Variants in IGF2BP1 observed in about 807,000 individuals in gnomAD.
IGF2BP1 encodes insulin like growth factor 2 mRNA binding protein 1.
A neutral mutation model predicts 74.9 loss-of-function variants in IGF2BP1; 11 were observed. The ratio of observed to expected loss-of-function variants is 0.15; its 90% CI spans 0.09 to 0.24. IGF2BP1 has a LOEUF of 0.24. Ranked by LOEUF, IGF2BP1 falls within the 10% of genes least tolerant of loss-of-function variation. IGF2BP1 has a pLI of 1.00. For synonymous variants in IGF2BP1, 287 were observed against 281.8 expected, an observed-to-expected ratio of 1.02 and a Z score of -0.18; for missense variants, 440 against 757.4, an observed-to-expected ratio of 0.58 and a Z score of 4.92.
In IGF2BP1 at chr17:49,050,815, C is replaced by T. The variant is rs1413585716; in HGVS notation, c.*1371C>T. On this transcript the variant is annotated 3_prime_UTR_variant, in exon 15 of 15. Transcript: ENST00000290341. The stretch of plus-strand genomic sequence containing the variant: ...ATTAAGATCCCATGGAGTGTTTAGC[C>T]CTTGTGGGAGACAGAAGCCATCAGT... 2.0e-5 allele frequency: 3 copies of T among 152,518 alleles called. No individual in the cohort carries two copies. Among genetic ancestry groups the T allele is most frequent in the Admixed American group, 6.5e-5 (1 of 15,278 alleles). 9.4% of individuals were successfully genotyped at this position (152,518 alleles called of 1,614,324 possible).
At chr17:49,003,705 A>G (rs1411009362) in intron 2 of IGF2BP1, among the ~76,000 whole-genome samples, 1 of 149,172 alleles carries the variant, frequency 6.7e-6, no homozygotes, top group African/African-American at 2.5e-5. Flanking sequence ...GGGAGAGAAA[A>G]GGGGAGGAAA....
chr17:49,020,001 C>T (rs1236643243), intron 2 of IGF2BP1, among the ~76,000 whole-genome samples: 2 of 103,000 alleles, frequency 1.9e-5, no homozygotes, highest in African/African-American at 8.7e-5. Context: ...TATATACACA[C>T]ACACACACAT....
intron 2 of IGF2BP1, among the ~76,000 whole-genome samples, chr17:49,021,539 G>C (rs2041792353): frequency 6.6e-6 from 1 of 152,150 alleles, no homozygotes; most frequent in African/African-American, 2.4e-5. Context: ...CCCTGGCCCA[G>C]GACCTGATAA....
intron 5 of IGF2BP1, among the ~76,000 whole-genome samples, chr17:49,037,739 A>G (rs1300341235): frequency 6.6e-6 from 1 of 152,166 alleles, no homozygotes; most frequent in Non-Finnish European, 1.5e-5. Flanking sequence ...TGTAGTAGGG[A>G]TTCCTCAATC....
intron 7 of IGF2BP1, 46 bp downstream of exon 7, chr17:49,040,137 T>C (rs146582824): frequency 6.2e-7 from 1 of 1,605,204 alleles, no homozygotes; most frequent in African/African-American, 1.3e-5. Context: ...GCTAGTCCAG[T>C]TGAGCCTCCC....
Position 49,045,009 on chromosome 17 carries a change from C to A in IGF2BP1, c.1339C>A (p.Pro447Thr), listed in dbSNP as rs775868755. 3.7e-6 allele frequency: 6 copies of A among 1,614,164 alleles called. No individual in the cohort carries two copies. The South Asian group carries it at 6.6e-5, about 18-fold the overall frequency. ...TTTTTAGATTGCACCACCCGAAACA[C>A]CTGACTCCAAAGTTCGTATGGTTAT... ...ASIKIAPPETPDSKVRMVIIT... is the reference protein window; with the variant it reads ...ASIKIAPPETTDSKVRMVIIT... The change falls in exon 12 of 15, where the codon CCT (proline) becomes ACT (threonine). Residue 447 changes from proline to threonine, a missense_variant. Pro to Thr is a conservative substitution (Grantham distance 38, BLOSUM62 -1). Transcript: ENST00000290341.
At chr17:49,041,172 C>T (rs2042048020) in intron 7 of IGF2BP1, among the ~76,000 whole-genome samples, 1 of 152,104 alleles carries the variant, frequency 6.6e-6, no homozygotes, top group Admixed American at 6.5e-5. Context: ...GAGTGAGACC[C>T]TGTCTCAAAA....
At chr17:49,011,146 A>AC (rs1046819172) in intron 2 of IGF2BP1, among the ~76,000 whole-genome samples, 9 of 102,332 alleles carry the variant, frequency 8.8e-5, no homozygotes, top group African/African-American at 1.3e-4. Flanking sequence ...TCAAAAAAAA[A>AC]AAAAAAAAAA....
chr17:49,045,346 A>C lies in IGF2BP1; in HGVS notation c.1395+281A>C, dbSNP rs1294844142. Reference sequence around the variant, plus strand: ...TTGCACTCTGCTGTCATTTCTAAGGAAGGCCTTTAATGCCAAATTCTCATC... The same window carrying C: ...TTGCACTCTGCTGTCATTTCTAAGGCAGGCCTTTAATGCCAAATTCTCATC... On this transcript the variant is annotated intron_variant, in intron 12 of 14. Coordinates refer to ENST00000290341, the MANE Select transcript of IGF2BP1 (RefSeq NM_006546.4). Among the ~76,000 whole-genome samples the C allele has an allele frequency of 2.6e-5, 4 of 152,228 alleles. No homozygotes were observed. The East Asian group carries it at 5.8e-4, about 22-fold the overall frequency.
chr17:49,039,836 T>G, intron 6 of IGF2BP1, 121 bp from the exon 7 acceptor site: 1 of 1,044,214 alleles, frequency 9.6e-7, no homozygotes, highest in East Asian at 2.4e-5. Context: ...TGTACTTGAT[T>G]GTCCTTGTTT....
chr17:49,005,856 G>A (rs1211496458), intron 2 of IGF2BP1, among the ~76,000 whole-genome samples: 2 of 152,112 alleles, frequency 1.3e-5, no homozygotes, highest in Non-Finnish European at 2.9e-5. Context: ...GAGGCCAGGA[G>A]TTCAAGACCA....
chr17:49,022,205 C>T (rs1205029163), intron 2 of IGF2BP1, among the ~76,000 whole-genome samples: 1 of 152,182 alleles, frequency 6.6e-6, no homozygotes, highest in Non-Finnish European at 1.5e-5. Flanking sequence ...ACACACTGCC[C>T]CAGCTCAGCC....
At chr17:49,043,572 A>G (rs1432629377) in intron 10 of IGF2BP1, 22 bp downstream of exon 10, 14 of 1,612,300 alleles carry the variant, frequency 8.7e-6, no homozygotes, top group Non-Finnish European at 1.2e-5. Flanking sequence ...ATCTTATTAC[A>G]CGGGATCCCT....
rs2144168692 is a variant in IGF2BP1 at position 49,050,793 on chromosome 17, A to T, written c.*1349A>T. 1 of 152,784 alleles carries T rather than the reference A, an allele frequency of 6.5e-6. No homozygotes were observed. The highest frequency in any genetic ancestry group is 1.9e-4 in the East Asian group (1 of 5,196). 9.5% of individuals were successfully genotyped at this position (152,784 alleles called of 1,614,324 possible). On this transcript the variant is annotated 3_prime_UTR_variant, in exon 15 of 15. Coordinates refer to ENST00000290341, the MANE Select transcript of IGF2BP1 (RefSeq NM_006546.4). ...ATTTATTAATTTACCAGGCTTAATT[A>T]AGATCCCATGGAGTGTTTAGCCCTT...
intron 7 of IGF2BP1, 134 bp downstream of exon 7, chr17:49,040,225 A>C (rs1489255067): frequency 9.6e-7 from 1 of 1,042,712 alleles, no homozygotes; most frequent in Non-Finnish European, 1.4e-6. Context: ...AAACTGAGAA[A>C]TAAAATCTTT....
At chr17:49,047,517 G>GT (rs147164353) in intron 14 of IGF2BP1, among the ~76,000 whole-genome samples, 53 of 147,220 alleles carry the variant, frequency 3.6e-4, no homozygotes, top group Admixed American at 1.2e-3. Context: ...TTAATTCAGC[G>GT]TTTTTTTTTT....
chr17:49,047,804 C>T (rs1268774355), intron 14 of IGF2BP1, among the ~76,000 whole-genome samples: 1 of 151,858 alleles, frequency 6.6e-6, no homozygotes, highest in Non-Finnish European at 1.5e-5. Context: ...GCCTCTACCT[C>T]CCAGGCTCAA....
Position 49,044,024 on chromosome 17 carries a change from A to G in IGF2BP1, c.1258A>G (p.Ile420Val). The G allele has an allele frequency of 1.2e-6, 2 of 1,614,134 alleles. No homozygotes were observed. The highest frequency in any genetic ancestry group is 2.2e-5 in the East Asian group (1 of 44,864). ...TATCCCCGCCCAGGCAGTGGGCGCCATCATCGGCAAGAAGGGGCAGCACAT... is the reference window on the plus strand; with the variant it reads ...TATCCCCGCCCAGGCAGTGGGCGCCGTCATCGGCAAGAAGGGGCAGCACAT... The part of the protein sequence containing the change: ...VFIPAQAVGA[I>V]IGKKGQHIKQ... Residue 420 changes from isoleucine to valine, a missense_variant, in exon 11 of 15, where the codon ATC (isoleucine) becomes GTC (valine). This residue lies in a region of IGF2BP1 where 117 missense variants were observed against 237.2 expected (regional missense o/e 0.49). Coordinates refer to ENST00000290341, the MANE Select transcript of IGF2BP1 (RefSeq NM_006546.4).
In IGF2BP1 at chr17:49,041,363, C is replaced by G; in HGVS notation, c.819-15C>G. 6.2e-7 allele frequency: 1 copy of G among 1,613,452 alleles called. No homozygotes were observed. Among genetic ancestry groups the G allele is most frequent in the Admixed American group, 1.7e-5 (1 of 59,892 alleles). ...AGGAACTCTTGTCTTCCACTTCTTCCTTTGTCTTCCCAAGGGCTGACGAGG... is the reference window on the plus strand; with the variant it reads ...AGGAACTCTTGTCTTCCACTTCTTCGTTTGTCTTCCCAAGGGCTGACGAGG... On this transcript the variant is annotated splice_polypyrimidine_tract_variant and intron_variant, in intron 7 of 14. Coordinates refer to ENST00000290341, the MANE Select transcript of IGF2BP1 (RefSeq NM_006546.4).
Sources: allele counts gnomAD v4.1 joint callset (sites outside exome capture counted in the v4.1 genomes callset), GRCh38; gene constraint gnomAD v4.1.1; regional missense constraint gnomAD v4.1.1; transcripts MANE v1.5; gene names NCBI Gene and HGNC (gene_info 2026-07-23, HGNC 2026-07-21).